The following MYRIP variants were observed in gnomAD, a reference collection of about 807,000 sequenced individuals.
MYRIP encodes the protein rab effector MyRIP.
MYRIP carries 49 observed loss-of-function variants against 98.0 expected under a neutral mutation model. The ratio of observed to expected loss-of-function variants is 0.50; its 90% CI spans 0.40 to 0.63. The LOEUF (loss-of-function observed/expected upper bound fraction) is 0.63, where lower values mean the gene tolerates loss of function less well. Ranked by LOEUF, MYRIP falls within the 30% of genes least tolerant of loss-of-function variation. The probability of loss-of-function intolerance (pLI) is 0.00; values close to 1 mark genes in which losing one functional copy is unlikely to be tolerated. For missense variants in MYRIP, 1,004 were observed against 1,058.2 expected, an observed-to-expected ratio of 0.95 and a Z score of 0.71; for synonymous variants, 404 against 409.5, an observed-to-expected ratio of 0.99 and a Z score of 0.16.
At chr3:39,861,872 T>A (rs1045138228) in intron 1 of MYRIP, among the ~76,000 whole-genome samples, 4 of 152,184 alleles carry the variant, frequency 2.6e-5, no homozygotes, top group African/African-American at 9.6e-5. Context: ...AACTCATTGA[T>A]GTCCCTGAAA....
chr3:40,035,921 G>T (rs1360192835), intron 2 of MYRIP, among the ~76,000 whole-genome samples: 1 of 151,768 alleles, frequency 6.6e-6, no homozygotes, highest in Non-Finnish European at 1.5e-5. Flanking sequence ...GATGAACAAA[G>T]AATTATTAAA....
At chr3:39,978,260 G>T (rs1348746733) in intron 2 of MYRIP, among the ~76,000 whole-genome samples, 1 of 152,198 alleles carries the variant, frequency 6.6e-6, no homozygotes, top group Non-Finnish European at 1.5e-5. Context: ...GCTGTATTTT[G>T]TGCATTGATA....
intron 3 of MYRIP, among the ~76,000 whole-genome samples, chr3:40,136,347 A>C (rs1349564241): frequency 2.0e-5 from 3 of 152,232 alleles, no homozygotes; most frequent in Non-Finnish European, 4.4e-5. Context: ...TCCTAAATAT[A>C]TATGCACCCA....
chr3:40,057,403 T>C (rs1322001828), intron 3 of MYRIP, among the ~76,000 whole-genome samples: 1 of 152,112 alleles, frequency 6.6e-6, no homozygotes, highest in African/African-American at 2.4e-5. Flanking sequence ...AAATGAAAAA[T>C]ATCTCTTTTC....
chr3:40,185,993 C>G (rs1175125022), intron 9 of MYRIP, among the ~76,000 whole-genome samples: 3 of 152,148 alleles, frequency 2.0e-5, no homozygotes, highest in Non-Finnish European at 4.4e-5. Context: ...AGACGTGGCT[C>G]TGCCCTCAAG....
intron 8 of MYRIP, among the ~76,000 whole-genome samples, chr3:40,175,203 A>G (rs1950725733): frequency 6.6e-6 from 1 of 152,246 alleles, no homozygotes; most frequent in Admixed American, 6.5e-5. Context: ...AAATGTGGTG[A>G]TAAGAATGCA....
chr3:40,259,748 C>T lies in MYRIP; in HGVS notation c.*1582C>T, dbSNP rs2125736986. The T allele has an allele frequency of 6.6e-6, 1 of 152,634 alleles. No homozygotes were observed. Among genetic ancestry groups the T allele is most frequent in the South Asian group, 2.1e-4 (1 of 4,834 alleles). 9.5% of individuals were successfully genotyped at this position (152,634 alleles called of 1,614,324 possible). A position where few individuals can be genotyped will look rare whatever the true frequency, so the allele number is the denominator to read the frequency against. On this transcript the variant is annotated 3_prime_UTR_variant, in exon 17 of 17. Transcript: ENST00000302541. ...TATGTGTCATCTAACAGAAATGACT[C>T]CTTTGAAATAAGTAAATCTTTGGCT...
chr3:40,156,421 T>A (rs1295039735), intron 4 of MYRIP, among the ~76,000 whole-genome samples: 1 of 152,176 alleles, frequency 6.6e-6, no homozygotes, highest in African/African-American at 2.4e-5. Context: ...TGAAGTCAGG[T>A]AGTGTGATGC....
intron 1 of MYRIP, among the ~76,000 whole-genome samples, chr3:39,813,012 C>T (rs1940751456): frequency 6.6e-6 from 1 of 152,158 alleles, no homozygotes; most frequent in Non-Finnish European, 1.5e-5. Context: ...TGTTGCCTTT[C>T]CCTCAGCAAG....
intron 8 of MYRIP, among the ~76,000 whole-genome samples, chr3:40,170,431 C>T (rs1244064331): frequency 6.6e-6 from 1 of 151,962 alleles, no homozygotes; most frequent in African/African-American, 2.4e-5. Flanking sequence ...ACCATGTGTA[C>T]TCTTATAACC....
At chr3:39,853,012 C>T (rs150424462) in intron 1 of MYRIP, among the ~76,000 whole-genome samples, 1 of 152,288 alleles carries the variant, frequency 6.6e-6, no homozygotes, top group Non-Finnish European at 1.5e-5. Context: ...GAACTCCTGA[C>T]CTCAAGTGAT....
intron 12 of MYRIP, among the ~76,000 whole-genome samples, chr3:40,237,305 G>A (rs1952851308): frequency 6.6e-6 from 1 of 152,132 alleles, no homozygotes; most frequent in Admixed American, 6.5e-5. Flanking sequence ...CCATTAGGCT[G>A]GCACTATTGA....
chr3:39,831,323 C>A (rs1028236906), intron 1 of MYRIP, among the ~76,000 whole-genome samples: 2 of 152,142 alleles, frequency 1.3e-5, no homozygotes, highest in Non-Finnish European at 2.9e-5. Flanking sequence ...CCTTGAATGA[C>A]CTACTTGACA....
chr3:39,815,358 C>T (rs1404373476), intron 1 of MYRIP, among the ~76,000 whole-genome samples: 1 of 152,058 alleles, frequency 6.6e-6, no homozygotes, highest in Non-Finnish European at 1.5e-5. Flanking sequence ...TTGAATGTAT[C>T]ATTGCTTCAT....
chr3:40,142,096 A>T (rs1348599600), intron 3 of MYRIP, among the ~76,000 whole-genome samples: 1 of 117,896 alleles, frequency 8.5e-6, no homozygotes, highest in Non-Finnish European at 1.6e-5. Flanking sequence ...CTTGTCCCCC[A>T]GGCTTGAGTG....
intron 2 of MYRIP, among the ~76,000 whole-genome samples, chr3:39,929,080 A>T (rs955137194): frequency 1.3e-5 from 2 of 152,128 alleles, no homozygotes; most frequent in African/African-American, 2.4e-5. Flanking sequence ...ATACTGTGAT[A>T]AATTGTATCA....
intron 8 of MYRIP, among the ~76,000 whole-genome samples, chr3:40,181,427 C>T (rs1950880825): frequency 6.6e-6 from 1 of 152,178 alleles, no homozygotes; most frequent in African/African-American, 2.4e-5. Flanking sequence ...CAGGTGGAAG[C>T]CCACTGCAAA....
chr3:40,065,388 C>A (rs1199053109), intron 3 of MYRIP, among the ~76,000 whole-genome samples: 2 of 152,106 alleles, frequency 1.3e-5, no homozygotes, highest in East Asian at 3.9e-4. Context: ...AGTGTTAGGA[C>A]TTCAACTTAC....
chr3:39,894,489 A>C (rs1943560328), intron 1 of MYRIP, among the ~76,000 whole-genome samples: 1 of 152,174 alleles, frequency 6.6e-6, no homozygotes, highest in African/African-American at 2.4e-5. Flanking sequence ...GGGTGAATAT[A>C]CCATAGTTTG....
Sources: allele counts gnomAD v4.1 joint callset (sites outside exome capture counted in the v4.1 genomes callset), GRCh38; gene constraint gnomAD v4.1.1; transcripts MANE v1.5; gene names NCBI Gene and HGNC (gene_info 2026-07-23, HGNC 2026-07-21).